RPA3: variants seen among roughly 807,000 people sequenced by gnomAD.
The protein encoded by RPA3 is replication protein A 14 kDa subunit.
In RPA3, 24 loss-of-function variants were observed where a neutral mutation model predicts 13.7. The ratio of observed to expected loss-of-function variants is 1.75; its 90% CI spans 1.27 to 2.46. The LOEUF (loss-of-function observed/expected upper bound fraction) is 2.46. RPA3 is among the 30% of genes most tolerant of loss of function. The probability of loss-of-function intolerance (pLI) is 0.00; values close to 1 mark genes in which losing one functional copy is unlikely to be tolerated. For missense variants in RPA3, 183 were observed against 151.0 expected (o/e 1.21, Z -1.11); for synonymous variants, 59 against 51.2 (o/e 1.15, Z -0.65).
intron 4 of RPA3, among the ~76,000 whole-genome samples, chr7:7,681,022 A>G (rs1779899029): frequency 6.6e-6 from 1 of 152,126 alleles, no homozygotes; most frequent in Non-Finnish European, 1.5e-5. Flanking sequence ...ACATTACAGA[A>G]AAATAAATAT....
chr7:7,689,617 C>T (rs1780125944), intron 2 of RPA3, among the ~76,000 whole-genome samples: 1 of 152,152 alleles, frequency 6.6e-6, no homozygotes, highest in Non-Finnish European at 1.5e-5. Flanking sequence ...TTTTCATGCC[C>T]AGACTTCATG....
chr7:7,700,052 T>C (rs1382253188), intron 2 of RPA3, among the ~76,000 whole-genome samples: 3 of 152,238 alleles, frequency 2.0e-5, no homozygotes, highest in African/African-American at 7.2e-5. Flanking sequence ...ACTACTTCTG[T>C]GGAGGGTGTC....
chr7:7,715,534 C>G (rs1418935105), intron 1 of RPA3, among the ~76,000 whole-genome samples: 1 of 152,098 alleles, frequency 6.6e-6, no homozygotes, highest in Non-Finnish European at 1.5e-5. Flanking sequence ...TTTCTGTGTG[C>G]TAGGTGCTGT....
intron 2 of RPA3, among the ~76,000 whole-genome samples, chr7:7,712,885 T>C (rs182001435): frequency 3.4e-4 from 52 of 152,298 alleles, no homozygotes; most frequent in African/African-American, 1.1e-3. Flanking sequence ...TTAGAATTGG[T>C]ATAAGATTTG....
chr7:7,662,687 G>A (rs1226616930), intron 4 of RPA3, among the ~76,000 whole-genome samples: 1 of 152,162 alleles, frequency 6.6e-6, no homozygotes, highest in African/African-American at 2.4e-5. Context: ...GGGTACCTCA[G>A]TTGGAAATTC....
intron 4 of RPA3, among the ~76,000 whole-genome samples, chr7:7,663,009 A>G (rs569180612): frequency 1.2e-5 from 1 of 84,200 alleles, no homozygotes; most frequent in East Asian, 7.7e-4. Context: ...AGTGCTTTGA[A>G]AAAGCCTTTT....
At chr7:7,689,405 A>G (rs1188835460) in intron 2 of RPA3, 1 of 152,168 alleles carries the variant, frequency 6.6e-6, no homozygotes, top group African/African-American at 2.4e-5. Context: ...CCATGATGAC[A>G]TTGTTGAACT....
chr7:7,714,124 C>A (rs1047778091), intron 2 of RPA3, among the ~76,000 whole-genome samples: 2 of 152,282 alleles, frequency 1.3e-5, no homozygotes, highest in East Asian at 3.9e-4. Flanking sequence ...GTCCTGTGGT[C>A]AGAGAGGGTG....
chr7:7,653,582 G>A (rs191219644), intron 4 of RPA3, among the ~76,000 whole-genome samples: 2 of 152,182 alleles, frequency 1.3e-5, no homozygotes, highest in Non-Finnish European at 2.9e-5. Flanking sequence ...CATTCACAGA[G>A]GAGTTACAAC....
At chr7:7,656,164 C>T (rs369798174) in intron 4 of RPA3, among the ~76,000 whole-genome samples, 13 of 152,042 alleles carry the variant, frequency 8.6e-5, no homozygotes, top group South Asian at 4.1e-4. Flanking sequence ...GTGAGGTTAC[C>T]GCCACTACTT....
chr7:7,692,843 G>A (rs905172371), intron 2 of RPA3, among the ~76,000 whole-genome samples: 6 of 152,140 alleles, frequency 3.9e-5, no homozygotes, highest in African/African-American at 7.2e-5. Flanking sequence ...TCTTGACCTC[G>A]TGATCTGCCT....
intron 2 of RPA3, among the ~76,000 whole-genome samples, chr7:7,695,589 C>T (rs1216660336): frequency 6.6e-6 from 1 of 152,086 alleles, no homozygotes; most frequent in Non-Finnish European, 1.5e-5. Flanking sequence ...CACTAGCAGC[C>T]GTAACACATT....
intron 4 of RPA3, among the ~76,000 whole-genome samples, chr7:7,643,407 C>G (rs1452116839): frequency 6.6e-6 from 1 of 152,178 alleles, no homozygotes; most frequent in African/African-American, 2.4e-5. Context: ...AATAGACAAG[C>G]TTGTAAAAGT....
intron 2 of RPA3, among the ~76,000 whole-genome samples, chr7:7,696,032 T>C (rs886441131): frequency 3.3e-5 from 5 of 150,122 alleles, no homozygotes; most frequent in Non-Finnish European, 7.4e-5. Flanking sequence ...TTTTTTGAGA[T>C]GGAGTCTCTG....
chr7:7,637,697 T>C (rs1006676321), intron 7 of RPA3, among the ~76,000 whole-genome samples, 167 bp downstream of exon 7: 5 of 151,794 alleles, frequency 3.3e-5, no homozygotes, highest in Non-Finnish European at 2.9e-5. Flanking sequence ...TACATACAGT[T>C]ATATAAAACT....
rs1785227436 is a variant in RPA3 at position 7,651,751 on chromosome 7, C to T, written c.-757-10576G>A. ...TAACAGGCATTCATCATATGTGACT[C>T]TGCTGGGTGGAAATTGGGTCTTCCG... On this transcript the variant is annotated intron_variant, in intron 4 of 7. Coordinates refer to ENST00000223129, the MANE Select transcript of RPA3 (RefSeq NM_002947.5). Among the ~76,000 whole-genome samples the T allele has an allele frequency of 2.0e-5, 3 of 152,168 alleles. No individual in the cohort carries two copies. In the South Asian group the frequency reaches 6.2e-4, roughly 32 times the overall value.
chr7:7,704,941 C>G (rs1230677848), intron 2 of RPA3, among the ~76,000 whole-genome samples: 1 of 152,010 alleles, frequency 6.6e-6, no homozygotes, highest in African/African-American at 2.4e-5. Context: ...TATTCATCAT[C>G]TGAATGAAAA....
chr7:7,713,054 T>C (rs1205043451), intron 2 of RPA3, among the ~76,000 whole-genome samples: 1 of 152,050 alleles, frequency 6.6e-6, no homozygotes, highest in East Asian at 1.9e-4. Context: ...AAAAATATTC[T>C]AGGGCCGCGC....
At chr7:7,653,327 A>AATTT (rs1785269603) in intron 4 of RPA3, among the ~76,000 whole-genome samples, 1 of 152,220 alleles carries the variant, frequency 6.6e-6, no homozygotes, top group South Asian at 2.1e-4. Flanking sequence ...GATGACACTA[A>AATTT]AGGCTGTAAA....
Sources: allele counts gnomAD v4.1 joint callset (sites outside exome capture counted in the v4.1 genomes callset), GRCh38; gene constraint gnomAD v4.1.1; transcripts MANE v1.5; gene names NCBI Gene and HGNC (gene_info 2026-07-23, HGNC 2026-07-21).